The following SMARCA2 variants were observed in gnomAD, a reference collection of about 807,000 sequenced individuals.
SMARCA2 encodes SWI/SNF-related matrix-associated actin-dependent regulator of chromatin subfamily A member 2.
SMARCA2 carries 61 observed loss-of-function variants against 199.8 expected under a neutral mutation model. The observed-to-expected ratio is 0.31, with a 90% CI of 0.25 to 0.38. SMARCA2 has a LOEUF of 0.38. Ranked by LOEUF, SMARCA2 falls within the 10% of genes least tolerant of loss-of-function variation. The pLI is 1.00. For synonymous variants in SMARCA2, 935 were observed against 732.0 expected, an observed-to-expected ratio of 1.28 and a Z score of -4.48; for missense variants, 1,344 against 2,012.2, an observed-to-expected ratio of 0.67 and a Z score of 6.35.
At chr9:2,045,679 G>A (rs1819805935) in intron 4 of SMARCA2, 1 of 151,902 alleles carries the variant, frequency 6.6e-6, no homozygotes, top group Non-Finnish European at 1.5e-5. Context: ...AAAATAAAAT[G>A]AAGTGCATTT....
At chr9:2,031,036 T>A (rs2130190023) in intron 2 of SMARCA2, among the ~76,000 whole-genome samples, 1 of 152,380 alleles carries the variant, frequency 6.6e-6, no homozygotes, top group East Asian at 1.9e-4. Context: ...TATCTTGCTT[T>A]TCTGTATGTT....
At position 2,104,248 on chromosome 9, in the gene SMARCA2, C is replaced by A; in HGVS notation, c.3292+79C>A. The A allele has an allele frequency of 2.3e-6, 3 of 1,305,432 alleles. No homozygotes were observed. The highest frequency in any genetic ancestry group is 3.2e-6 in the Non-Finnish European group (3 of 941,836). 80.9% of individuals were successfully genotyped at this position (1,305,432 alleles called of 1,614,324 possible). ...AATGGGCACTTAGGTCCAATCTCAGCCAAAAAGAAGGGGTAAAATTGAAGA... is the reference window on the plus strand; with the variant it reads ...AATGGGCACTTAGGTCCAATCTCAGACAAAAAGAAGGGGTAAAATTGAAGA... On this transcript the variant is annotated intron_variant, in intron 23 of 33. Coordinates refer to ENST00000349721, the MANE Select transcript of SMARCA2 (RefSeq NM_003070.5). This position sits in a 1 kb window ranked among gnomAD's most constrained non-coding sequence, Gnocchi z 4.0.
At chr9:2,062,783 C>T (rs761821779) in intron 9 of SMARCA2, among the ~76,000 whole-genome samples, 24 of 152,210 alleles carry the variant, frequency 1.6e-4, no homozygotes, top group Admixed American at 4.6e-4. Context: ...CCTGCCTTCT[C>T]TCACAGTTTA....
intron 13 of SMARCA2, among the ~76,000 whole-genome samples, chr9:2,076,650 T>A (rs1030388656): frequency 6.6e-6 from 1 of 151,992 alleles, no homozygotes; most frequent in Non-Finnish European, 1.5e-5. Context: ...CAGTCCCAGA[T>A]TGAACTAATG....
intron 27 of SMARCA2, among the ~76,000 whole-genome samples, chr9:2,148,504 A>G (rs891584966): frequency 2.0e-5 from 3 of 151,184 alleles, no homozygotes; most frequent in Non-Finnish European, 4.4e-5. Context: ...TTTTATTATT[A>G]TTATACTTTA....
At chr9:2,127,078 C>T (rs1352556225) in intron 27 of SMARCA2, among the ~76,000 whole-genome samples, 4 of 152,222 alleles carry the variant, frequency 2.6e-5, no homozygotes, top group Non-Finnish European at 5.9e-5. Flanking sequence ...CTTTCCTCCT[C>T]CTTCAAGGCC....
At chr9:2,088,638 G>A (rs762753460) in intron 19 of SMARCA2, 25 bp downstream of exon 19, 2 of 1,539,726 alleles carry the variant, frequency 1.3e-6, no homozygotes, top group Admixed American at 4.3e-5. Context: ...CAAAAGTTGT[G>A]GGTTTTTTTT....
intron 17 of SMARCA2, 106 bp downstream of exon 17, chr9:2,084,302 T>C: frequency 8.0e-6 from 5 of 624,366 alleles, no homozygotes; most frequent in Non-Finnish European, 1.4e-5. Flanking sequence ...GGCTTGTCCT[T>C]TTCTTTATTT....
chr9:2,143,684 G>C (rs1263040391), intron 27 of SMARCA2, among the ~76,000 whole-genome samples: 1 of 152,180 alleles, frequency 6.6e-6, no homozygotes, highest in Non-Finnish European at 1.5e-5. Context: ...TTCCAGGAGA[G>C]ATAACTGGGA....
At chr9:2,130,296 T>C (rs1823884928) in intron 27 of SMARCA2, among the ~76,000 whole-genome samples, 1 of 152,256 alleles carries the variant, frequency 6.6e-6, no homozygotes, top group East Asian at 1.9e-4. Flanking sequence ...TCCCGAGTGA[T>C]AGCACCATGT....
At chr9:2,174,285 G>GT (rs1304900056) in intron 29 of SMARCA2, among the ~76,000 whole-genome samples, 3 of 152,162 alleles carry the variant, frequency 2.0e-5, no homozygotes, top group African/African-American at 7.2e-5. Context: ...CTGACACACT[G>GT]TTTTCCAAAC....
In SMARCA2 at chr9:2,186,174, G is replaced by A; in HGVS notation, c.4540G>A (p.Asp1514Asn). ...AATTGCCAAAGAGGAAGAGAGTGAG[G>A]ATGAAAGCAATGAAGAGGAGGAAGA... is the stretch of plus-strand genomic sequence containing the variant. ...QKIAKEEESE[D>N]ESNEEEEEED... The change falls in exon 32 of 34, where the codon GAT becomes AAT. Residue 1514 changes from aspartate to asparagine, a missense_variant. By Grantham distance (23) the Asp-to-Asn change is conservative. Transcript: ENST00000349721. 2 of 1,614,066 alleles carry A rather than the reference G, an allele frequency of 1.2e-6. No homozygotes were observed. The highest frequency in any genetic ancestry group is 1.7e-6 in the Non-Finnish European group (2 of 1,179,942).
At chr9:2,151,789 G>A (rs1187440023) in intron 27 of SMARCA2, among the ~76,000 whole-genome samples, 1 of 150,946 alleles carries the variant, frequency 6.6e-6, no homozygotes, top group African/African-American at 2.5e-5. Flanking sequence ...AATGTCCAAT[G>A]AATATAAAAA....
chr9:2,119,575 C>G lies in SMARCA2; in HGVS notation c.3762+40C>G. On this transcript the variant is annotated intron_variant, in intron 26 of 33. Transcript: ENST00000349721. The surrounding 1 kb of genome is among the most constrained non-coding windows in gnomAD (Gnocchi z 4.6). ...AATCATGAACACAAATGCTTTATACCTCTGCCCCTTTTTCTGTTAAGCAGA... is the reference window on the plus strand; with the variant it reads ...AATCATGAACACAAATGCTTTATACGTCTGCCCCTTTTTCTGTTAAGCAGA... 7.4e-7 allele frequency: 1 copy of G among 1,356,632 alleles called. No homozygotes were observed. The highest frequency in any genetic ancestry group is 1.1e-6 in the Non-Finnish European group (1 of 947,330). 84.0% of individuals were successfully genotyped at this position (1,356,632 alleles called of 1,614,324 possible).
At chr9:2,062,097 G>A (rs1016037339) in intron 9 of SMARCA2, among the ~76,000 whole-genome samples, 1 of 152,154 alleles carries the variant, frequency 6.6e-6, no homozygotes, top group African/African-American at 2.4e-5. Flanking sequence ...GAACATATAC[G>A]TAAGGGGGGA....
chr9:2,165,650 T>G (rs1825896903), intron 28 of SMARCA2, among the ~76,000 whole-genome samples: 1 of 152,230 alleles, frequency 6.6e-6, no homozygotes, highest in Admixed American at 6.5e-5. Flanking sequence ...AAAACTCATA[T>G]TCTCAATTTA....
At chr9:2,033,546 G>A (rs1475102769) in intron 3 of SMARCA2, among the ~76,000 whole-genome samples, 2 of 152,374 alleles carry the variant, frequency 1.3e-5, no homozygotes, top group Admixed American at 6.5e-5. Flanking sequence ...TGAATTGCAT[G>A]CTTATCCATT....
intron 21 of SMARCA2, among the ~76,000 whole-genome samples, chr9:2,099,242 A>C (rs1424754154): frequency 6.6e-6 from 1 of 152,142 alleles, no homozygotes; most frequent in Non-Finnish European, 1.5e-5. Flanking sequence ...GGTTTAGAGG[A>C]GCTGGGAGAA....
chr9:2,143,808 A>G (rs1037620351), intron 27 of SMARCA2, among the ~76,000 whole-genome samples: 4 of 152,216 alleles, frequency 2.6e-5, no homozygotes, highest in Non-Finnish European at 5.9e-5. Context: ...TGGAATTCCC[A>G]ATTGGTGACT....
Sources: allele counts gnomAD v4.1 joint callset (sites outside exome capture counted in the v4.1 genomes callset), GRCh38; gene constraint gnomAD v4.1.1; non-coding constraint Gnocchi (gnomAD v3.1); transcripts MANE v1.5; gene names NCBI Gene and HGNC (gene_info 2026-07-23, HGNC 2026-07-21).